ZPBP2: variants seen among roughly 807,000 people sequenced by gnomAD.
ZPBP2 encodes the protein zona pellucida binding protein 2, also known as zona pellucida-binding protein 2.
A neutral mutation model predicts 37.5 loss-of-function variants in ZPBP2; 34 were observed. That is an observed-to-expected ratio of 0.91 (90% CI 0.69 to 1.21). The LOEUF (loss-of-function observed/expected upper bound fraction) is 1.21, where lower values mean the gene tolerates loss of function less well. ZPBP2 is among the 50% of genes most tolerant of loss of function. The pLI is 0.00. For synonymous variants in ZPBP2, 143 were observed against 138.4 expected, an observed-to-expected ratio of 1.03 and a Z score of -0.23; for missense variants, 397 against 413.5, an observed-to-expected ratio of 0.96 and a Z score of 0.35.
At position 39,868,329 on chromosome 17, in the gene ZPBP2, C is replaced by A; in HGVS notation, c.-26C>A. ...GTAGGAGGGAGTCTGTCCCTCGACG[C>A]CTCCTGCGACGCCAGCCCCTGAGCG... On this transcript the variant is annotated 5_prime_UTR_variant, in exon 1 of 8. Transcript: ENST00000348931. The A allele has an allele frequency of 6.2e-7, 1 of 1,605,572 alleles. No homozygotes were observed. The highest frequency in any genetic ancestry group is 8.5e-7 in the Non-Finnish European group (1 of 1,179,540).
chr17:39,875,529 G>T, intron 7 of ZPBP2, 95 bp downstream of exon 7: 1 of 921,868 alleles, frequency 1.1e-6, no homozygotes. Flanking sequence ...AATCTTTACA[G>T]TGATTCTCTT....
At position 39,868,785 on chromosome 17, in the gene ZPBP2, G is replaced by A. The variant is rs9897847; in HGVS notation, c.118+171G>A. On this transcript the variant is annotated intron_variant, in intron 2 of 7. Coordinates refer to ENST00000348931, the MANE Select transcript of ZPBP2 (RefSeq NM_199321.3). ...GGTCGCATTTTTTCATCCTTACAGC[G>A]ATCCCTATTGTGTCGCCTTGCTTTA... Among the ~76,000 whole-genome samples, 662 of 152,154 alleles carry A rather than the reference G, an allele frequency of 4.4e-3. 3 individuals are homozygous for A. The highest frequency in any genetic ancestry group is 0.015 in the African/African-American group (619 of 41,512).
rs138409314 is a variant in ZPBP2, at chr17:39,873,057, G to T, written c.639G>T (p.Ala213=). 8.7e-4 allele frequency: 1,399 copies of T among 1,609,844 alleles called. 2 individuals carry two copies. Among genetic ancestry groups the T allele is most frequent in the South Asian group, 1.6e-3 (140 of 90,234 alleles). The change falls in exon 6 of 8, where the codon GCG becomes GCT. Residue 213 remains alanine (A), a synonymous_variant. Transcript: ENST00000348931. Reference sequence around the variant, plus strand: ...TTTTCTCTTCAGTTAATCCTTTTGCGCCGGGGTGGAAAGGTGCTTGCAATG... The same window carrying T: ...TTTTCTCTTCAGTTAATCCTTTTGCTCCGGGGTGGAAAGGTGCTTGCAATG... ...LFIAFQVNPF[A]PGWKGACNGS...
intron 6 of ZPBP2, among the ~76,000 whole-genome samples, chr17:39,873,803 C>G (rs551092458): frequency 5.1e-4 from 77 of 152,110 alleles, no homozygotes; most frequent in African/African-American, 1.7e-3. Context: ...TCCTCAGAGG[C>G]AAAGGACATA....
intron 2 of ZPBP2, 90 bp downstream of exon 2, chr17:39,868,704 G>A: frequency 3.4e-6 from 5 of 1,461,880 alleles, no homozygotes; most frequent in African/African-American, 1.4e-5. Context: ...GAAGGGGAAC[G>A]AGCCAGCGTT....
rs1164007608 is a variant in ZPBP2 at position 39,870,704 on chromosome 17, T to G, written c.129T>G (p.Tyr43Ter). ...YGKTGQPDKI[Y>*]VELHQNSPVL... ...TTTATTTCATCACAGACAAAATATA[T>G]GTAGAGTTACATCAAAATAGTCCAG... Residue 43 changes from tyrosine to a stop codon, truncating the protein, a stop_gained, in exon 3 of 8, where the codon TAT becomes TAG. Transcript: ENST00000348931. LOFTEE classifies it high-confidence loss of function. 30 of 1,433,670 alleles carry G rather than the reference T, an allele frequency of 2.1e-5. No individual in the cohort carries two copies. The highest frequency in any genetic ancestry group is 2.7e-5 in the Non-Finnish European group (29 of 1,065,068). The allele number at this position is 1,433,670 out of a possible 1,614,324, so 88.8% of individuals were successfully genotyped here.
intron 6 of ZPBP2, 56 bp downstream of exon 6, chr17:39,873,182 G>T: frequency 6.5e-7 from 1 of 1,548,122 alleles, no homozygotes; most frequent in Non-Finnish European, 8.8e-7. Flanking sequence ...TTAGAGACAG[G>T]GTGTCACCCA....
At position 39,868,605 on chromosome 17, in the gene ZPBP2, G is replaced by C. The variant is rs1283349588; in HGVS notation, c.109G>C (p.Gly37Arg). Residue 37 changes from glycine (G) to arginine (R), a missense_variant, in exon 2 of 8, where the codon GGA (glycine) becomes CGA (arginine). Gly to Arg is a moderately radical substitution (Grantham distance 125, BLOSUM62 -2). Coordinates refer to ENST00000348931, the MANE Select transcript of ZPBP2 (RefSeq NM_199321.3). The stretch of plus-strand genomic sequence containing the variant: ...GAAGGGCTTCATTTATGGCAAGACA[G>C]GACAGCCAGGTAATAAGGGCCTCTG... ...NKKGFIYGKT[G>R]QPDKIYVELH... 6.2e-7 allele frequency: 1 copy of C among 1,614,154 alleles called. No individual in the cohort carries two copies. The highest frequency in any genetic ancestry group is 1.7e-5 in the Admixed American group (1 of 60,020).
chr17:39,868,491 C>G, intron 1 of ZPBP2, 58 bp from the exon 2 acceptor site: 1 of 1,613,622 alleles, frequency 6.2e-7, no homozygotes, highest in Non-Finnish European at 8.5e-7. Flanking sequence ...CCTGCCCTGC[C>G]CGACTCTGAA....
intron 2 of ZPBP2, among the ~76,000 whole-genome samples, chr17:39,869,171 T>G (rs560605971): frequency 6.6e-6 from 1 of 152,322 alleles, no homozygotes; most frequent in Admixed American, 6.5e-5. Context: ...GTTGTCTTTA[T>G]GAGCCTGGCA....
chr17:39,871,440 TA>T, intron 3 of ZPBP2, 23 bp from the exon 4 acceptor site: 1 of 1,496,810 alleles, frequency 6.7e-7, no homozygotes, highest in Non-Finnish European at 9.0e-7. Context: ...ATATGTTAAA[TA>T]AGTAATTTAC....
chr17:39,869,405 CTTTTTTTT>C (rs1555647285), intron 2 of ZPBP2, among the ~76,000 whole-genome samples: 1 of 115,136 alleles, frequency 8.7e-6, no homozygotes, highest in Non-Finnish European at 1.8e-5. Flanking sequence ...TTCCTTCCTT[CTTTTTTTT>C]TTTTTTTTTT....
intron 4 of ZPBP2, 79 bp from the exon 5 acceptor site, chr17:39,872,191 G>T: frequency 1.8e-6 from 2 of 1,086,766 alleles, no homozygotes; most frequent in Non-Finnish European, 1.3e-6. Flanking sequence ...GTATTACATA[G>T]TATTTGAAAA....
intron 5 of ZPBP2, 73 bp downstream of exon 5, chr17:39,872,561 A>T (rs2144642646): frequency 3.0e-6 from 3 of 987,052 alleles, no homozygotes; most frequent in Admixed American, 6.2e-5. Flanking sequence ...TACCATATTA[A>T]TATAAGATAT....
chr17:39,868,727 A>G (rs991792379), intron 2 of ZPBP2, 113 bp downstream of exon 2: 35 of 1,199,790 alleles, frequency 2.9e-5, no homozygotes, highest in Middle Eastern at 2.6e-4. Context: ...TTGAGCATCT[A>G]TTATACTAAG....
At chr17:39,871,734 T>C (rs1396726292) in intron 4 of ZPBP2, 109 bp downstream of exon 4, 2 of 865,352 alleles carry the variant, frequency 2.3e-6, no homozygotes. Flanking sequence ...TGTCACCAAT[T>C]ATGACTTACA....
Position 39,876,991 on chromosome 17 carries a change from T to C in ZPBP2, c.*182T>C, listed in dbSNP as rs1246877180. Reference sequence around the variant, plus strand: ...ATTTCTAAGAAGGCATTTAATCCAGTATCTCTAGTGTACAAAGGAAACTTG... The same window carrying C: ...ATTTCTAAGAAGGCATTTAATCCAGCATCTCTAGTGTACAAAGGAAACTTG... On this transcript the variant is annotated 3_prime_UTR_variant, in exon 8 of 8. Transcript: ENST00000348931. 1.1e-5 allele frequency: 7 copies of C among 615,160 alleles called. No individual in the cohort carries two copies. The highest frequency in any genetic ancestry group is 1.9e-5 in the Non-Finnish European group (7 of 367,400). The allele number at this position is 615,160 out of a possible 1,614,324, so 38.1% of individuals were successfully genotyped here.
rs751812909 is a variant in ZPBP2, at chr17:39,871,584, A to T, written c.365A>T (p.Glu122Val). ...SYKTVKAETQ[E>V]EKTVKKRYDF... ...AAGACTGTTAAAGCAGAAACTCAAG[A>T]AGAAAAAACAGTCAAAAAGAGATAT... Residue 122 changes from glutamate (E) to valine (V), a missense_variant, in exon 4 of 8, where the codon GAA (glutamate) becomes GTA (valine). Physicochemically the swap from Glu to Val is moderately radical, Grantham distance 121. Transcript: ENST00000348931. The T allele has an allele frequency of 6.3e-7, 1 of 1,596,930 alleles. No individual in the cohort carries two copies. The highest frequency in any genetic ancestry group is 8.5e-7 in the Non-Finnish European group (1 of 1,173,718).
Position 39,875,355 on chromosome 17 carries a change from G to T in ZPBP2, c.810G>T (p.Leu270Phe). 1 of 1,614,114 alleles carries T rather than the reference G, an allele frequency of 6.2e-7. No individual in the cohort carries two copies. The highest frequency in any genetic ancestry group is 1.1e-5 in the South Asian group (1 of 91,066). The change falls in exon 7 of 8, where the codon TTG becomes TTT. Residue 270 changes from leucine (L) to phenylalanine (F), a missense_variant. By Grantham distance (22) the Leu-to-Phe change is conservative. Transcript: ENST00000348931. ...LPAMHFVDHS[L>F]QVVRLDSCRP... is the part of the protein sequence containing the mutation. ...CAATGCATTTTGTGGACCACAGTTT[G>T]CAAGTAGTACGTCTGGATAGCTGTC...
Sources: gnomAD v4.1 joint callset for allele counts (sites outside exome capture counted in the v4.1 genomes callset) on GRCh38, gnomAD v4.1.1 for gene constraint, MANE v1.5 for transcripts, NCBI Gene and HGNC (gene_info 2026-07-23, HGNC 2026-07-21) for gene names.